The following TPTE2 variants were observed in gnomAD, a reference collection of about 807,000 sequenced individuals.
TPTE2 encodes the protein transmembrane phosphoinositide 3-phosphatase and tensin homolog 2.
TPTE2 carries 53 observed loss-of-function variants against 78.6 expected under a neutral mutation model. The ratio of observed to expected loss-of-function variants is 0.67; its 90% CI spans 0.54 to 0.85. The LOEUF (loss-of-function observed/expected upper bound fraction) is 0.85, where lower values mean the gene tolerates loss of function less well. Ranked by LOEUF, TPTE2 falls within the 40% of genes least tolerant of loss-of-function variation. The pLI, the probability that TPTE2 is intolerant of heterozygous loss-of-function variation, is 0.00. For missense variants in TPTE2, 461 were observed against 623.0 expected, an observed-to-expected ratio of 0.74 and a Z score of 2.77; for synonymous variants, 175 against 206.2, an observed-to-expected ratio of 0.85 and a Z score of 1.30.
chr13:19,504,816 CTT>C (rs1868886898), upstream of TPTE2, among the ~76,000 whole-genome samples: 1 of 152,082 alleles, frequency 6.6e-6, no homozygotes, highest in Non-Finnish European at 1.5e-5. Context: ...CTTCATCCCT[CTT>C]TCTGTTGTTT....
At chr13:19,444,179 G>A (rs1877677512) in intron 13 of TPTE2, among the ~76,000 whole-genome samples, 1 of 151,194 alleles carries the variant, frequency 6.6e-6, no homozygotes, top group South Asian at 2.1e-4. Flanking sequence ...GGTGGCACCT[G>A]CCTGCAGTGC....
At chr13:19,480,157 A>G in intron 4 of TPTE2, among the ~76,000 whole-genome samples, 1 of 152,136 alleles carries the variant, frequency 6.6e-6, no homozygotes, top group South Asian at 2.1e-4. Context: ...TATTGAAGGC[A>G]GGTGCTATCT....
At chr13:19,490,153 C>T (rs1880916587) in intron 3 of TPTE2, among the ~76,000 whole-genome samples, 2 of 152,108 alleles carry the variant, frequency 1.3e-5, no homozygotes, top group South Asian at 4.2e-4. Flanking sequence ...TTCTTTATTA[C>T]TTCATTTGTG....
intron 6 of TPTE2, among the ~76,000 whole-genome samples, chr13:19,468,719 G>A (rs1164857292): frequency 6.6e-6 from 1 of 152,184 alleles, no homozygotes; most frequent in African/African-American, 2.4e-5. Context: ...TAGCTGGGGT[G>A]AGATGATATC....
Position 19,450,103 on chromosome 13 carries a change from C to T in TPTE2, c.946G>A (p.Val316Ile), listed in dbSNP as rs374764694. The T allele has an allele frequency of 1.2e-5, 19 of 1,611,230 alleles. No individual in the cohort carries two copies. The highest frequency in any genetic ancestry group is 6.7e-5 in the Admixed American group (4 of 59,924). The change falls in exon 13 of 20, where the codon GTA (valine) becomes ATA (isoleucine). Residue 316 changes from valine (V) to isoleucine (I), a missense_variant. Transcript: ENST00000400230. ...TTGCCTCCTTTACAGTGAATCGCTA[C>T]GATGTTTTCAAGATCTTGAGCCATC...
chr13:19,508,144 C>T (rs939798470), upstream of TPTE2, among the ~76,000 whole-genome samples: 2 of 152,094 alleles, frequency 1.3e-5, no homozygotes, highest in African/African-American at 2.4e-5. Flanking sequence ...CTGCCCAAAC[C>T]AGGACACTTT....
At position 19,451,964 on chromosome 13, in the gene TPTE2, C is replaced by T. The variant is rs550454343; in HGVS notation, c.742-739G>A. 4.0e-5 allele frequency among the ~76,000 whole-genome samples: 6 copies of T among 151,850 alleles called. No individual in the cohort carries two copies. In the East Asian group the frequency reaches 7.7e-4, roughly 20 times the overall value. On this transcript the variant is annotated intron_variant, in intron 10 of 19. Transcript: ENST00000400230. Reference sequence around the variant, plus strand: ...TCTTTCTGAAACATGCACACACATACGTATATATCTCTGTGCAACAACAAA... The same window carrying T: ...TCTTTCTGAAACATGCACACACATATGTATATATCTCTGTGCAACAACAAA...
chr13:19,471,058 C>T (rs1879583759), intron 6 of TPTE2, among the ~76,000 whole-genome samples: 1 of 151,924 alleles, frequency 6.6e-6, no homozygotes. Context: ...TACAGGTGTG[C>T]ACCACCACAC....
chr13:19,538,922 G>T (rs1871359572), upstream of TPTE2, among the ~76,000 whole-genome samples: 1 of 152,212 alleles, frequency 6.6e-6, no homozygotes, highest in African/African-American at 2.4e-5. Context: ...AGAAATGAAT[G>T]TATTTCTTAG....
chr13:19,437,066 T>C (rs61956969), intron 14 of TPTE2, among the ~76,000 whole-genome samples: 1,945 of 48,284 alleles, frequency 0.04, 25 homozygotes, highest in Middle Eastern at 0.074. Context: ...CACACACACA[T>C]ACACCAATAT....
rs772768629 is a variant in TPTE2 at position 19,533,027 on chromosome 13, C to T, written c.-44+3569G>A. ...AGTAGAGGCATAGCACATAGCAGAG[C>T]TCAGTAAATGCTTAACAAATTAATG... On this transcript the variant is annotated intron_variant, in intron 1 of 17. Transcript: ENST00000390680. 1.2e-4 allele frequency among the ~76,000 whole-genome samples: 18 copies of T among 152,192 alleles called. 1 individual carries two copies. The highest frequency in any genetic ancestry group is 2.5e-4 in the Non-Finnish European group (17 of 68,046).
the TPTE2 span, among the ~76,000 whole-genome samples, chr13:19,554,841 ATTT>A: frequency 2.0e-5 from 3 of 152,268 alleles, no homozygotes; most frequent in African/African-American, 7.2e-5. Context: ...TGACTGCTAG[ATTT>A]TAAGTATTTT....
chr13:19,450,758 T>C (rs1878124581), intron 11 of TPTE2, among the ~76,000 whole-genome samples: 1 of 151,956 alleles, frequency 6.6e-6, no homozygotes, highest in Non-Finnish European at 1.5e-5. Context: ...TTCTACAGAG[T>C]CTTTTGCTTT....
intron 7 of TPTE2, among the ~76,000 whole-genome samples, chr13:19,466,639 C>G (rs1043328209): frequency 5.3e-5 from 8 of 152,186 alleles, no homozygotes; most frequent in Non-Finnish European, 1.0e-4. Context: ...CTGCAAAACT[C>G]TACTATTGTG....
chr13:19,531,448 G>A (rs1279504879), intron 1 of TPTE2, among the ~76,000 whole-genome samples: 1 of 151,154 alleles, frequency 6.6e-6, no homozygotes, highest in East Asian at 1.9e-4. Context: ...CACAAAGACT[G>A]GGATTTCCAA....
At chr13:19,534,015 T>A (rs549549997) in intron 1 of TPTE2, among the ~76,000 whole-genome samples, 2 of 152,352 alleles carry the variant, frequency 1.3e-5, no homozygotes, top group Admixed American at 1.3e-4. Flanking sequence ...TAGACCTCTA[T>A]CAGATACAGG....
intron 1 of TPTE2, among the ~76,000 whole-genome samples, chr13:19,528,593 G>A (rs1370226353): frequency 1.3e-5 from 2 of 152,122 alleles, no homozygotes; most frequent in Non-Finnish European, 2.9e-5. Flanking sequence ...TTTAAATCAT[G>A]ACCACTTTAC....
upstream of TPTE2, among the ~76,000 whole-genome samples, chr13:19,537,852 A>G (rs1379891495): frequency 1.3e-5 from 2 of 151,994 alleles, no homozygotes; most frequent in Admixed American, 6.6e-5. Context: ...TGATCCACCT[A>G]TCTCAGCCTC....
At chr13:19,471,786 G>C (rs1184123566) in intron 6 of TPTE2, among the ~76,000 whole-genome samples, 1 of 152,114 alleles carries the variant, frequency 6.6e-6, no homozygotes, top group African/African-American at 2.4e-5. Context: ...CCTTCAGGTT[G>C]TTACTTATTG....
Sources: allele counts gnomAD v4.1 joint callset (sites outside exome capture counted in the v4.1 genomes callset), GRCh38; gene constraint gnomAD v4.1.1; transcripts MANE v1.5; gene names NCBI Gene and HGNC (gene_info 2026-07-23, HGNC 2026-07-21).